The following PRKG1 variants were observed in gnomAD, a reference collection of about 807,000 sequenced individuals.
PRKG1 encodes cGMP-dependent protein kinase 1.
Under a neutral mutation model 88.1 loss-of-function variants are expected in PRKG1, and 35 were observed. The ratio of observed to expected loss-of-function variants is 0.40; its 90% CI spans 0.30 to 0.53. The LOEUF (loss-of-function observed/expected upper bound fraction) is 0.53. Among genes scored for constraint, PRKG1 ranks in the 20% least tolerant of loss-of-function variants. The pLI, the probability that PRKG1 is intolerant of heterozygous loss-of-function variation, is 0.59. For missense variants in PRKG1, 540 were observed against 839.8 expected, an observed-to-expected ratio of 0.64 and a Z score of 4.41; for synonymous variants, 303 against 292.5, an observed-to-expected ratio of 1.04 and a Z score of -0.37.
At chr10:51,495,849 G>T (rs1486755039) in intron 3 of PRKG1, among the ~76,000 whole-genome samples, 2 of 152,138 alleles carry the variant, frequency 1.3e-5, no homozygotes, top group African/African-American at 4.8e-5. Flanking sequence ...AAGTGATGTA[G>T]GTATGATTGA....
intron 1 of PRKG1, among the ~76,000 whole-genome samples, chr10:51,103,413 T>A (rs770535626): frequency 9.2e-5 from 14 of 152,194 alleles, no homozygotes; most frequent in Non-Finnish European, 1.6e-4. Flanking sequence ...ACTTTATATT[T>A]CTTCGAGCTA....
chr10:51,361,996 G>C (rs922192417), intron 2 of PRKG1, among the ~76,000 whole-genome samples: 3 of 151,660 alleles, frequency 2.0e-5, no homozygotes, highest in Admixed American at 6.6e-5. Context: ...TCACTTTTCT[G>C]TTTCTATAGC....
chr10:51,573,493 A>G (rs16919807), intron 3 of PRKG1, among the ~76,000 whole-genome samples: 1,533 of 152,046 alleles, frequency 0.01, 32 homozygotes, highest in African/African-American at 0.034. Context: ...TTTTGCAAAC[A>G]AATCAGGTAC....
chr10:52,232,019 CT>C (rs1409480123), intron 9 of PRKG1, among the ~76,000 whole-genome samples: 1 of 152,116 alleles, frequency 6.6e-6, no homozygotes, highest in Non-Finnish European at 1.5e-5. Context: ...ATTCTTCAGA[CT>C]TTAGCAAGAA....
chr10:51,475,869 T>C (rs780603287), intron 3 of PRKG1, among the ~76,000 whole-genome samples: 8 of 152,028 alleles, frequency 5.3e-5, no homozygotes, highest in Non-Finnish European at 1.0e-4. Context: ...AAAATTTCGT[T>C]TGATTTTTTG....
intron 8 of PRKG1, among the ~76,000 whole-genome samples, chr10:52,141,210 C>T (rs879113566): frequency 6.6e-6 from 1 of 152,078 alleles, no homozygotes; most frequent in Admixed American, 6.6e-5. Flanking sequence ...GAAAGAGTAA[C>T]ATTATATTCA....
intron 2 of PRKG1, among the ~76,000 whole-genome samples, chr10:51,242,267 A>G (rs1456630016): frequency 6.6e-6 from 1 of 152,172 alleles, no homozygotes; most frequent in Non-Finnish European, 1.5e-5. Context: ...AGAAAAGTTT[A>G]TAAGTATGTT....
Position 51,948,690 on chromosome 10 carries a change from C to T in PRKG1, c.762+41120C>T, listed in dbSNP as rs544152011. Reference sequence around the variant, plus strand: ...TGAGTTGTCAAAGACAGAGTTTCAACGAGCCAACTAGTTTGAAGGCTATCA... The same window carrying T: ...TGAGTTGTCAAAGACAGAGTTTCAATGAGCCAACTAGTTTGAAGGCTATCA... On this transcript the variant is annotated intron_variant, in intron 5 of 17. Coordinates refer to ENST00000373980, the MANE Select transcript of PRKG1 (RefSeq NM_006258.4). Among the ~76,000 whole-genome samples, 7 of 152,140 alleles carry T rather than the reference C, an allele frequency of 4.6e-5. No homozygotes were observed. The East Asian group carries it at 5.8e-4, about 13-fold the overall frequency.
intron 2 of PRKG1, among the ~76,000 whole-genome samples, chr10:51,306,198 A>C (rs1209692472): frequency 6.6e-6 from 1 of 152,302 alleles, no homozygotes; most frequent in East Asian, 1.9e-4. Flanking sequence ...ATTCCATTAC[A>C]CTGGATAGGC....
intron 1 of PRKG1, among the ~76,000 whole-genome samples, chr10:51,130,420 C>G (rs1363251206): frequency 1.3e-5 from 2 of 152,140 alleles, no homozygotes; most frequent in Admixed American, 1.3e-4. Flanking sequence ...ATGACATAAA[C>G]AGTCTAGTAT....
chr10:51,144,759 C>G (rs1331758428), intron 1 of PRKG1, among the ~76,000 whole-genome samples: 1 of 152,068 alleles, frequency 6.6e-6, no homozygotes, highest in Non-Finnish European at 1.5e-5. Flanking sequence ...CTGAGTATGT[C>G]AGAGTAGAAA....
At chr10:51,620,390 A>G (rs1206133337) in intron 3 of PRKG1, among the ~76,000 whole-genome samples, 1 of 152,086 alleles carries the variant, frequency 6.6e-6, no homozygotes, top group Non-Finnish European at 1.5e-5. Flanking sequence ...AAAGATACCA[A>G]GTCACAAATC....
intron 7 of PRKG1, among the ~76,000 whole-genome samples, chr10:52,124,915 C>T (rs1431914213): frequency 6.6e-6 from 1 of 152,086 alleles, no homozygotes; most frequent in Non-Finnish European, 1.5e-5. Context: ...CGTCTTGTCC[C>T]CTTGGAAGGT....
At chr10:52,197,827 A>G (rs1839548589) in intron 9 of PRKG1, among the ~76,000 whole-genome samples, 1 of 152,230 alleles carries the variant, frequency 6.6e-6, no homozygotes, top group Non-Finnish European at 1.5e-5. Flanking sequence ...TACTATATTC[A>G]TGGATGAAAT....
At chr10:52,146,289 G>A (rs936022734) in intron 8 of PRKG1, among the ~76,000 whole-genome samples, 1 of 152,060 alleles carries the variant, frequency 6.6e-6, no homozygotes, top group African/African-American at 2.4e-5. Flanking sequence ...ACCATTCAAA[G>A]GGAATTACTG....
chr10:51,511,140 T>C (rs1171574746), intron 3 of PRKG1, among the ~76,000 whole-genome samples: 2 of 152,176 alleles, frequency 1.3e-5, no homozygotes. Flanking sequence ...TATACAATAA[T>C]GCAATCTTTG....
At chr10:51,627,994 C>T (rs4418747) in intron 3 of PRKG1, among the ~76,000 whole-genome samples, 65,837 of 88,730 alleles carry the variant, frequency 0.74, 25,075 homozygotes, top group South Asian at 0.86. Flanking sequence ...CTTTCTTTCT[C>T]TCTCTCTCTC....
At position 51,704,141 on chromosome 10, in the gene PRKG1, CAA is replaced by C. The variant is rs34997783; in HGVS notation, c.593-100428_593-100427del. Among the ~76,000 whole-genome samples the C allele has an allele frequency of 2.1e-3, 164 of 79,584 alleles. 1 individual carries two copies. In the Middle Eastern group the frequency reaches 0.042, roughly 21 times the overall value. 52.2% of individuals were successfully genotyped at this position (79,584 alleles called of 152,430 possible). A position where few individuals can be genotyped will look rare whatever the true frequency, so the allele number is the denominator to read the frequency against. On this transcript the variant is annotated intron_variant, in intron 3 of 17. Coordinates refer to ENST00000373980, the MANE Select transcript of PRKG1 (RefSeq NM_006258.4). ...CCTGGGCAACAGAGTGAAACTGTCT[CAA>C]AAAAAAAAAAAAAAATTAAATAAAT... is the stretch of plus-strand genomic sequence containing the variant.
intron 17 of PRKG1, among the ~76,000 whole-genome samples, chr10:52,292,322 C>G (rs1160314802): frequency 6.6e-6 from 1 of 151,922 alleles, no homozygotes; most frequent in Non-Finnish European, 1.5e-5. Context: ...GTGTTTTAGA[C>G]ATGAAGTCCT....
Sources: gnomAD v4.1 joint callset for allele counts (sites outside exome capture counted in the v4.1 genomes callset) on GRCh38, gnomAD v4.1.1 for gene constraint, MANE v1.5 for transcripts, NCBI Gene and HGNC (gene_info 2026-07-23, HGNC 2026-07-21) for gene names.